Variants in DCDC2C observed in about 807,000 individuals in gnomAD.
DCDC2C encodes doublecortin domain containing 2C, also known as doublecortin domain-containing protein 2C.
A neutral mutation model predicts 45.0 loss-of-function variants in DCDC2C; 44 were observed. The ratio of observed to expected loss-of-function variants is 0.98; its 90% confidence interval spans 0.77 to 1.26. DCDC2C has a LOEUF of 1.26. Among genes scored for constraint, DCDC2C ranks in the 50% most tolerant of loss-of-function variants. The pLI, the probability that DCDC2C is intolerant of heterozygous loss-of-function variation, is 0.00. For missense variants in DCDC2C, 447 were observed against 468.9 expected, an observed-to-expected ratio of 0.95 and a Z score of 0.43; for synonymous variants, 187 against 178.8, an observed-to-expected ratio of 1.05 and a Z score of -0.37.
At chr2:3,732,831 A>C (rs2148087563) in intron 3 of DCDC2C, among the ~76,000 whole-genome samples, 1 of 152,272 alleles carries the variant, frequency 6.6e-6, no homozygotes, top group South Asian at 2.1e-4. Context: ...GACAGATAAC[A>C]CCCATGGCCA....
chr2:3,744,314 T>G (rs1669298804), intron 4 of DCDC2C, among the ~76,000 whole-genome samples: 1 of 151,990 alleles, frequency 6.6e-6, no homozygotes, highest in South Asian at 2.1e-4. Context: ...GAAGCCACAG[T>G]CAGTTGGGTG....
intron 2 of DCDC2C, chr2:3,725,982 C>T (rs557588721): frequency 5.2e-5 from 8 of 154,780 alleles, no homozygotes; most frequent in African/African-American, 7.7e-5. Flanking sequence ...GGTGACAGAG[C>T]GGGACCCTGG....
chr2:3,826,710 C>G (rs533230625), intron 10 of DCDC2C, among the ~76,000 whole-genome samples: 2 of 152,076 alleles, frequency 1.3e-5, no homozygotes, highest in African/African-American at 4.8e-5. Flanking sequence ...CACAGCTTTG[C>G]GTGGTGTCTA....
intron 8 of DCDC2C, among the ~76,000 whole-genome samples, chr2:3,776,119 C>T (rs191990356): frequency 3.9e-4 from 60 of 152,332 alleles, no homozygotes; most frequent in African/African-American, 1.3e-3. Context: ...GATCCTTTCC[C>T]GCTCAGAACC....
intron 3 of DCDC2C, among the ~76,000 whole-genome samples, chr2:3,733,075 G>T (rs578187743): frequency 3.3e-5 from 5 of 152,222 alleles, no homozygotes; most frequent in African/African-American, 1.2e-4. Context: ...AACTGATGTC[G>T]TGGAGGCATT....
Position 3,734,081 on chromosome 2 carries a change from TTGAC to T in DCDC2C, c.416+7005_416+7008del, listed in dbSNP as rs1348647560. ...ACAGTGCCTCCAGAAGTTCTGCTAT[TTGAC>T]TGGGCTACCGGCTGCTGTCGTAAAT... is the stretch of plus-strand genomic sequence containing the variant. On this transcript the variant is annotated intron_variant, in intron 3 of 10. Transcript: ENST00000399143. The surrounding 1 kb of genome is among the most constrained non-coding windows in gnomAD (Gnocchi z 4.2). Among the ~76,000 whole-genome samples the T allele has an allele frequency of 6.6e-6, 1 of 152,244 alleles. No homozygotes were observed. Among genetic ancestry groups the T allele is most frequent in the Non-Finnish European group, 1.5e-5 (1 of 68,040 alleles).
chr2:3,740,233 T>G (rs1404345950), intron 3 of DCDC2C, among the ~76,000 whole-genome samples: 1 of 152,268 alleles, frequency 6.6e-6, no homozygotes, highest in East Asian at 1.9e-4. Flanking sequence ...CATCCATACT[T>G]AGACATTTTG....
intron 10 of DCDC2C, among the ~76,000 whole-genome samples, chr2:3,791,729 G>A (rs181988910): frequency 1.3e-5 from 2 of 152,196 alleles, no homozygotes; most frequent in African/African-American, 4.8e-5. Flanking sequence ...GCAGTGGCCT[G>A]GGTGCCATGC....
chr2:3,789,229 CAA>C (rs1670742207), intron 10 of DCDC2C, among the ~76,000 whole-genome samples: 1 of 152,116 alleles, frequency 6.6e-6, no homozygotes, highest in Non-Finnish European at 1.5e-5. Context: ...ATTGGAGAAA[CAA>C]GAGTGAAAAA....
At chr2:3,757,698 A>G (rs775240360) in intron 6 of DCDC2C, among the ~76,000 whole-genome samples, 9 of 151,956 alleles carry the variant, frequency 5.9e-5, no homozygotes, top group Non-Finnish European at 1.2e-4. Flanking sequence ...TGGAGAAGGC[A>G]GAGTGTCGAT....
At chr2:3,748,931 C>A (rs1669454977) in intron 4 of DCDC2C, among the ~76,000 whole-genome samples, 1 of 152,120 alleles carries the variant, frequency 6.6e-6, no homozygotes, top group Non-Finnish European at 1.5e-5. Flanking sequence ...GTTCAGGGTA[C>A]CCAGTGAGAC....
chr2:3,758,258 G>T (rs559896610), intron 6 of DCDC2C, among the ~76,000 whole-genome samples: 1 of 152,178 alleles, frequency 6.6e-6, no homozygotes, highest in African/African-American at 2.4e-5. Context: ...TGCATCTGAC[G>T]TCGACAGCGT....
chr2:3,798,987 C>A (rs1462179553), intron 10 of DCDC2C, among the ~76,000 whole-genome samples: 2 of 152,204 alleles, frequency 1.3e-5, no homozygotes, highest in Admixed American at 6.5e-5. Context: ...GTTCCATTCT[C>A]CCCATCACTT....
At chr2:3,824,323 G>A (rs998719157) in intron 10 of DCDC2C, among the ~76,000 whole-genome samples, 2 of 152,200 alleles carry the variant, frequency 1.3e-5, no homozygotes, top group Non-Finnish European at 2.9e-5. Context: ...AGACTTCACA[G>A]GCTATACCAA....
At chr2:3,774,416 C>A (rs1670272341) in intron 8 of DCDC2C, among the ~76,000 whole-genome samples, 1 of 152,228 alleles carries the variant, frequency 6.6e-6, no homozygotes, top group African/African-American at 2.4e-5. Context: ...CCCCTCGAGC[C>A]TCGGGGAGTG....
At position 3,708,870 on chromosome 2, in the gene DCDC2C, A is replaced by G. The variant is rs141992639; in HGVS notation, c.339+270A>G. ...CACCGTGCAATTAATTCAAGTGTTCATTTTCCTTTTGTTTTGGGGGGGTTT... is the reference window on the plus strand; with the variant it reads ...CACCGTGCAATTAATTCAAGTGTTCGTTTTCCTTTTGTTTTGGGGGGGTTT... On this transcript the variant is annotated intron_variant, in intron 2 of 10. Transcript: ENST00000399143. Among the ~76,000 whole-genome samples, 242 of 152,284 alleles carry G rather than the reference A, an allele frequency of 1.6e-3. 2 individuals are homozygous for G. Among genetic ancestry groups the G allele is most frequent in the African/African-American group, 5.6e-3 (233 of 41,566 alleles).
At chr2:3,769,792 A>G (rs76217749) in intron 8 of DCDC2C, among the ~76,000 whole-genome samples, 15,405 of 152,166 alleles carry the variant, frequency 0.1, 1,064 homozygotes, top group East Asian at 0.3. Flanking sequence ...GGCCTTAGTA[A>G]TTTTTTTGTG....
At chr2:3,806,230 C>T (rs548994269) in intron 10 of DCDC2C, among the ~76,000 whole-genome samples, 2 of 152,302 alleles carry the variant, frequency 1.3e-5, no homozygotes, top group South Asian at 4.1e-4. Flanking sequence ...CTTTCAAGGA[C>T]GGCTGGCATC....
chr2:3,818,539 G>A lies in DCDC2C; in HGVS notation c.1066-28615G>A, dbSNP rs1352182054. Among the ~76,000 whole-genome samples, 2 of 152,194 alleles carry A rather than the reference G, an allele frequency of 1.3e-5. No individual in the cohort carries two copies. The highest frequency in any genetic ancestry group is 6.5e-5 in the Admixed American group (1 of 15,290). On this transcript the variant is annotated intron_variant, in intron 10 of 10. Transcript: ENST00000399143. The surrounding 1 kb of genome is among the most constrained non-coding windows in gnomAD (Gnocchi z 4.7). ...GTAAGGCTTGTCCAGTTTTTGGACAGGTACAATGGGGGAATTGTAAGAAGA... is the reference window on the plus strand; with the variant it reads ...GTAAGGCTTGTCCAGTTTTTGGACAAGTACAATGGGGGAATTGTAAGAAGA...
Sources: gnomAD v4.1 joint callset for allele counts (sites outside exome capture counted in the v4.1 genomes callset) on GRCh38, gnomAD v4.1.1 for gene constraint, Gnocchi (gnomAD v3.1) non-coding constraint, MANE v1.5 for transcripts, NCBI Gene and HGNC (gene_info 2026-07-23, HGNC 2026-07-21) for gene names.